The following HMGB1 variants were observed in gnomAD, a reference collection of about 807,000 sequenced individuals.
HMGB1 encodes high mobility group box 1.
For synonymous variants in HMGB1, 81 were observed against 84.0 expected, an observed-to-expected ratio of 0.96 and a Z score of 0.19; for missense variants, 79 against 253.5, an observed-to-expected ratio of 0.31 and a Z score of 4.67.
intron 1 of HMGB1, among the ~76,000 whole-genome samples, chr13:30,576,390 A>T (rs1271780003): frequency 6.6e-6 from 1 of 152,122 alleles, no homozygotes; most frequent in African/African-American, 2.4e-5. Flanking sequence ...TGGGCAATAA[A>T]AAGCTATGAT....
intron 1 of HMGB1, among the ~76,000 whole-genome samples, chr13:30,564,625 T>C (rs563526300): frequency 6.6e-5 from 10 of 152,374 alleles, no homozygotes; most frequent in South Asian, 4.1e-4. Context: ...GAGATTTTTC[T>C]ATTGTGGCCA....
intron 1 of HMGB1, among the ~76,000 whole-genome samples, chr13:30,472,172 G>T (rs1188723265): frequency 6.6e-6 from 1 of 152,064 alleles, no homozygotes; most frequent in East Asian, 1.9e-4. Context: ...CCAGCTACCT[G>T]GGAGGCTGAA....
At chr13:30,616,946 C>G (rs1283843336) in exon 1 of HMGB1, 1 of 152,176 alleles carries the variant, frequency 6.6e-6, no homozygotes, top group Non-Finnish European at 1.5e-5. Context: ...GGACACAGAA[C>G]CAATCGACCA....
chr13:30,509,246 C>CTTTTTTTTT lies in HMGB1; in HGVS notation c.-14-45561_-14-45553dup, dbSNP rs577983392. On this transcript the variant is annotated intron_variant, in intron 1 of 4. Coordinates refer to the HMGB1 transcript ENST00000405805. Reference sequence around the variant, plus strand: ...AGTCACTGCGCCCAGCACCAATATTCTTTTTTTTTTGAGATGGAATCTCAC... The same window carrying CTTTTTTTTT: ...AGTCACTGCGCCCAGCACCAATATTCTTTTTTTTTTTTTTTTTTTGAGATGGAATCTCAC... Among the ~76,000 whole-genome samples, 16 of 143,074 alleles carry CTTTTTTTTT rather than the reference C, an allele frequency of 1.1e-4. 1 individual carries two copies. The highest frequency in any genetic ancestry group is 4.0e-4 in the African/African-American group (15 of 37,914). The allele number at this position is 143,074 out of a possible 152,430, so 93.9% of individuals were successfully genotyped here.
At chr13:30,538,991 G>T (rs113762469) in intron 1 of HMGB1, among the ~76,000 whole-genome samples, 25,762 of 151,892 alleles carry the variant, frequency 0.17, 3,514 homozygotes, top group African/African-American at 0.38. Flanking sequence ...CCACCTCCCG[G>T]GTTCAAGAGA....
upstream of HMGB1, among the ~76,000 whole-genome samples, chr13:30,470,676 TCTCA>T (rs1373580321): frequency 6.6e-6 from 1 of 151,832 alleles, no homozygotes; most frequent in Non-Finnish European, 1.5e-5. Flanking sequence ...TGAGACGGAG[TCTCA>T]CTCAGTCGTC....
At chr13:30,490,558 G>A (rs1009778921) in intron 1 of HMGB1, among the ~76,000 whole-genome samples, 3 of 151,108 alleles carry the variant, frequency 2.0e-5, no homozygotes, top group Non-Finnish European at 4.4e-5. Flanking sequence ...GGCAGAGGTT[G>A]CAGTGAGCTG....
intron 1 of HMGB1, among the ~76,000 whole-genome samples, chr13:30,521,103 G>T (rs1486889431): frequency 6.6e-6 from 1 of 152,170 alleles, no homozygotes; most frequent in Admixed American, 6.6e-5. Context: ...GTTGGTAAGA[G>T]GTTAATCAAG....
intron 1 of HMGB1, among the ~76,000 whole-genome samples, chr13:30,529,684 C>T (rs574893922): frequency 2.6e-5 from 4 of 152,276 alleles, no homozygotes; most frequent in South Asian, 2.1e-4. Context: ...ATATTGGACA[C>T]GATTTCTATC....
intron 1 of HMGB1, among the ~76,000 whole-genome samples, chr13:30,511,471 A>T (rs1423680752): frequency 6.6e-6 from 1 of 152,114 alleles, no homozygotes; most frequent in Admixed American, 6.5e-5. Context: ...CCATGAGTGA[A>T]AGCTTCCTGA....
At chr13:30,525,860 G>T (rs1235059120) in intron 1 of HMGB1, among the ~76,000 whole-genome samples, 1 of 151,080 alleles carries the variant, frequency 6.6e-6, no homozygotes, top group Non-Finnish European at 1.5e-5. Context: ...AGATTGTGGG[G>T]GGACACAAAG....
At chr13:30,565,444 A>G (rs1870146831) in intron 1 of HMGB1, among the ~76,000 whole-genome samples, 2 of 152,202 alleles carry the variant, frequency 1.3e-5, no homozygotes, top group Non-Finnish European at 2.9e-5. Context: ...ATTGTCAGGC[A>G]GATCTGTCAT....
chr13:30,461,571 A>G (rs763851158), intron 4 of HMGB1, 38 bp from the exon 5 acceptor site: 4 of 1,569,644 alleles, frequency 2.5e-6, no homozygotes, highest in Non-Finnish European at 3.5e-6. Context: ...GTAGGGAAGA[A>G]AAAAACATTA....
chr13:30,517,553 C>T (rs1307538162), intron 1 of HMGB1, among the ~76,000 whole-genome samples: 2 of 152,180 alleles, frequency 1.3e-5, no homozygotes, highest in African/African-American at 2.4e-5. Context: ...TACACCATGC[C>T]TGGCTAATTT....
chr13:30,603,279 G>T (rs552366649), intron 1 of HMGB1, among the ~76,000 whole-genome samples: 34 of 152,048 alleles, frequency 2.2e-4, no homozygotes, highest in Non-Finnish European at 4.1e-4. Flanking sequence ...CAGTCTAGCT[G>T]TCTCTCCTGA....
intron 1 of HMGB1, among the ~76,000 whole-genome samples, chr13:30,591,537 G>A (rs1276056677): frequency 1.3e-5 from 2 of 148,882 alleles, no homozygotes; most frequent in Admixed American, 1.3e-4. Context: ...TTTGAACAGG[G>A]TCTTGCTCTG....
intron 1 of HMGB1, among the ~76,000 whole-genome samples, chr13:30,607,403 T>C (rs375907331): frequency 4.6e-5 from 7 of 151,200 alleles, no homozygotes; most frequent in African/African-American, 1.5e-4. Flanking sequence ...AGTTCTCCGA[T>C]GGTTTAAACG....
chr13:30,538,498 CTTTCTT>C (rs1359391846), intron 1 of HMGB1, among the ~76,000 whole-genome samples: 4 of 15,798 alleles, frequency 2.5e-4, no homozygotes, highest in African/African-American at 4.2e-4. Flanking sequence ...TTCTTTCTTT[CTTTCTT>C]TCTTTCCTTT....
At chr13:30,510,393 T>C (rs1331316896) in intron 1 of HMGB1, among the ~76,000 whole-genome samples, 2 of 152,178 alleles carry the variant, frequency 1.3e-5, no homozygotes, top group African/African-American at 2.4e-5. Flanking sequence ...CCTTGCTGGA[T>C]TGTGTCAAAG....
Sources: gnomAD v4.1 joint callset for allele counts (sites outside exome capture counted in the v4.1 genomes callset) on GRCh38, gnomAD v4.1.1 for gene constraint, MANE v1.5 for transcripts, NCBI Gene and HGNC (gene_info 2026-07-23, HGNC 2026-07-21) for gene names.